NTM: variants seen among roughly 807,000 people sequenced by gnomAD.
NTM encodes IgLON family member 2.
NTM carries 13 observed loss-of-function variants against 42.1 expected under a neutral mutation model. The observed-to-expected ratio is 0.31, with a 90% CI of 0.20 to 0.49. The LOEUF (loss-of-function observed/expected upper bound fraction) is 0.49, where lower values mean the gene tolerates loss of function less well. Among genes scored for constraint, NTM ranks in the 20% least tolerant of loss-of-function variants. NTM has a pLI of 0.99. For missense variants in NTM, 373 were observed against 452.8 expected, an observed-to-expected ratio of 0.82 and a Z score of 1.60; for synonymous variants, 187 against 179.2, an observed-to-expected ratio of 1.04 and a Z score of -0.35.
intron 1 of NTM, among the ~76,000 whole-genome samples, chr11:131,490,222 T>C (rs563075004): frequency 2.1e-4 from 32 of 152,154 alleles, no homozygotes; most frequent in Non-Finnish European, 4.6e-4. Context: ...GGAAATCAAA[T>C]GTCAACATGA....
chr11:131,743,137 C>T (rs2081386385), intron 1 of NTM, among the ~76,000 whole-genome samples: 1 of 152,054 alleles, frequency 6.6e-6, no homozygotes, highest in African/African-American at 2.4e-5. Context: ...GGACTTTAGA[C>T]ATATATTTAA....
At chr11:132,082,203 C>T (rs913634310) in intron 2 of NTM, among the ~76,000 whole-genome samples, 2 of 152,138 alleles carry the variant, frequency 1.3e-5, no homozygotes, top group South Asian at 2.1e-4. Context: ...CTTTGTTCAG[C>T]TAAATCCAGT....
intron 1 of NTM, among the ~76,000 whole-genome samples, chr11:131,885,947 G>C (rs1282031096): frequency 6.6e-6 from 1 of 152,100 alleles, no homozygotes; most frequent in Non-Finnish European, 1.5e-5. Context: ...AAGGCTCTTG[G>C]GTTCATTCTT....
chr11:131,981,502 T>A (rs1271002161), intron 2 of NTM: 1 of 152,166 alleles, frequency 6.6e-6, no homozygotes, highest in Non-Finnish European at 1.5e-5. Context: ...AGCTGTTAAG[T>A]GATTAAAATA....
chr11:132,149,656 C>T (rs1271792071), intron 3 of NTM, among the ~76,000 whole-genome samples: 1 of 152,062 alleles, frequency 6.6e-6, no homozygotes, highest in African/African-American at 2.4e-5. Context: ...GGTTCTGATC[C>T]AATATGGTTA....
At chr11:132,045,235 G>A (rs1343619762) in intron 2 of NTM, among the ~76,000 whole-genome samples, 9 of 152,132 alleles carry the variant, frequency 5.9e-5, no homozygotes, top group Non-Finnish European at 1.2e-4. Flanking sequence ...ACTTGTTAAA[G>A]GGTTAAGTGC....
chr11:131,841,784 C>T (rs995455364), intron 1 of NTM, among the ~76,000 whole-genome samples: 7 of 151,926 alleles, frequency 4.6e-5, no homozygotes, highest in East Asian at 1.9e-4. Flanking sequence ...CTGGGGTCAG[C>T]GTGGGAAGTA....
At chr11:132,326,067 A>G (rs2095674553) in intron 7 of NTM, among the ~76,000 whole-genome samples, 1 of 152,144 alleles carries the variant, frequency 6.6e-6, no homozygotes, top group South Asian at 2.1e-4. Context: ...ACCTAATGCT[A>G]AATGACGAGT....
chr11:131,502,168 AC>A (rs1219799881), intron 1 of NTM, among the ~76,000 whole-genome samples: 3 of 151,666 alleles, frequency 2.0e-5, no homozygotes, highest in African/African-American at 2.4e-5. Flanking sequence ...TGAAATCCTC[AC>A]CCCCCAGAGG....
At chr11:131,735,499 G>A (rs2080296849) in intron 1 of NTM, among the ~76,000 whole-genome samples, 1 of 152,196 alleles carries the variant, frequency 6.6e-6, no homozygotes, top group East Asian at 1.9e-4. Context: ...AAAAACCAGG[G>A]GGATGTGTGG....
chr11:131,485,732 T>C (rs1468493001), intron 1 of NTM, among the ~76,000 whole-genome samples: 1 of 152,166 alleles, frequency 6.6e-6, no homozygotes, highest in African/African-American at 2.4e-5. Flanking sequence ...CCATCCCGAA[T>C]GGGAAACTGG....
In NTM at chr11:132,002,489, A is replaced by T. The variant is rs1175463165; in HGVS notation, c.167+90841A>T. On this transcript the variant is annotated intron_variant, in intron 2 of 8. Coordinates refer to ENST00000683400, the MANE Select transcript of NTM (RefSeq NM_001352005.2). This position sits in a 1 kb window ranked among gnomAD's most constrained non-coding sequence, Gnocchi z 4.5. ...AATTAACCCTACGTCTCAATTCATC[A>T]TAAGCAAATACAATTACTACTCTGC... 6.6e-6 allele frequency among the ~76,000 whole-genome samples: 1 copy of T among 152,228 alleles called. No individual in the cohort carries two copies. Among genetic ancestry groups the T allele is most frequent in the Non-Finnish European group, 1.5e-5 (1 of 68,036 alleles).
chr11:131,461,225 G>A (rs1201275841), intron 1 of NTM, among the ~76,000 whole-genome samples: 1 of 152,100 alleles, frequency 6.6e-6, no homozygotes, highest in Non-Finnish European at 1.5e-5. Context: ...ATAAGACTTG[G>A]GTTGGCCAGT....
chr11:131,451,764 C>T (rs1186297996), intron 1 of NTM, among the ~76,000 whole-genome samples: 2 of 152,020 alleles, frequency 1.3e-5, no homozygotes, highest in Non-Finnish European at 2.9e-5. Flanking sequence ...TCTGGAGACC[C>T]TGGGGTCCCC....
At chr11:131,450,472 A>G (rs1398934324) in intron 1 of NTM, among the ~76,000 whole-genome samples, 3 of 151,846 alleles carry the variant, frequency 2.0e-5, no homozygotes, top group African/African-American at 7.3e-5. Context: ...ATGAATCCCC[A>G]CTCTGACAGC....
intron 1 of NTM, among the ~76,000 whole-genome samples, chr11:131,544,103 G>A (rs2053623234): frequency 6.6e-6 from 1 of 152,162 alleles, no homozygotes; most frequent in Admixed American, 6.5e-5. Context: ...ATGCAGGTCA[G>A]TCCCATGGAA....
rs140615842 is a variant in NTM, at chr11:131,392,565, C to T, written c.82+21677C>T. On this transcript the variant is annotated intron_variant, in intron 1 of 8. Transcript: ENST00000683400. ...GAGAAGAGCAAATTCAATAAAGCCT[C>T]GCCTTGAGAAGGATGTGTTTTATAA... Among the ~76,000 whole-genome samples, 368 of 152,340 alleles carry T rather than the reference C, an allele frequency of 2.4e-3. 4 individuals carry two copies. The highest frequency in any genetic ancestry group is 8.2e-3 in the African/African-American group (339 of 41,582).
chr11:131,768,475 G>A (rs1381392453), intron 1 of NTM, among the ~76,000 whole-genome samples: 11 of 152,104 alleles, frequency 7.2e-5, no homozygotes, highest in South Asian at 4.1e-4. Context: ...CTTGAGTTAC[G>A]GAAAAACAGC....
chr11:132,032,964 T>A (rs2135681415), intron 2 of NTM, among the ~76,000 whole-genome samples: 1 of 152,314 alleles, frequency 6.6e-6, no homozygotes, highest in East Asian at 1.9e-4. Context: ...TAGTAAACAT[T>A]TTTGAGCTTG....
Sources: gnomAD v4.1 joint callset for allele counts (sites outside exome capture counted in the v4.1 genomes callset) on GRCh38, gnomAD v4.1.1 for gene constraint, Gnocchi (gnomAD v3.1) non-coding constraint, MANE v1.5 for transcripts, NCBI Gene and HGNC (gene_info 2026-07-23, HGNC 2026-07-21) for gene names.